DHFR2: variants seen among roughly 807,000 people sequenced by gnomAD.
The protein encoded by DHFR2 is dihydrofolate reductase 2.
Under a neutral mutation model 12.0 loss-of-function variants are expected in DHFR2, and 11 were observed. The ratio of observed to expected loss-of-function variants is 0.92; its 90% CI spans 0.58 to 1.52. The LOEUF is 1.52. DHFR2 is among the 40% of genes most tolerant of loss of function. The pLI is 0.00. For missense variants in DHFR2, 188 were observed against 221.2 expected (o/e 0.85, Z 0.95); for synonymous variants, 87 against 79.6 (o/e 1.09, Z -0.49).
At chr3:94,062,152 G>T (rs1447658681) in intron 1 of DHFR2, among the ~76,000 whole-genome samples, 1 of 152,122 alleles carries the variant, frequency 6.6e-6, no homozygotes, top group African/African-American at 2.4e-5. Flanking sequence ...TGTCAAAATA[G>T]GTGTAATAAA....
chr3:94,061,732 T>C, intron 1 of DHFR2, 126 bp from the exon 2 acceptor site: 1 of 643,694 alleles, frequency 1.6e-6, no homozygotes, highest in Non-Finnish European at 2.0e-6. Context: ...AAATATAAAT[T>C]TATAAAATTA....
chr3:94,063,237 C>T (rs1172934636), upstream of DHFR2: 2 of 1,163,840 alleles, frequency 1.7e-6, no homozygotes, highest in East Asian at 2.3e-5. Context: ...GGAACATCAC[C>T]TTTGTTCGTC....
At chr3:94,062,716 C>G in intron 1 of DHFR2, 30 bp downstream of exon 1, 1 of 251,022 alleles carries the variant, frequency 4.0e-6, no homozygotes, top group South Asian at 5.6e-5. Context: ...TCACTGCAAC[C>G]TCAAACTTCT....
In DHFR2 at chr3:94,061,450, C is replaced by T. The variant is rs768616101; in HGVS notation, c.62G>A (p.Gly21Glu). The change falls in exon 2 of 2, where the codon GGG becomes GAG. Residue 21 changes from glycine to glutamate, a missense_variant. Coordinates refer to ENST00000314636, the MANE Select transcript of DHFR2 (RefSeq NM_176815.5). The part of the protein sequence containing the change: ...VSQNMGIGKN[G>E]DLPRPPLRNE... ...CCTGAGCGGCGGCCTGGGCAGGTCCCCGTTCTTGCCGATGCCCATGTTTTG... is the reference window on the plus strand; with the variant it reads ...CCTGAGCGGCGGCCTGGGCAGGTCCTCGTTCTTGCCGATGCCCATGTTTTG... 45 of 1,614,174 alleles carry T rather than the reference C, an allele frequency of 2.8e-5. No individual in the cohort carries two copies. The highest frequency in any genetic ancestry group is 3.8e-5 in the Non-Finnish European group (45 of 1,180,038).
At chr3:94,063,320 TC>T (rs2077189513), upstream of DHFR2, 1 of 644,916 alleles carries the variant, frequency 1.6e-6, no homozygotes, top group East Asian at 2.6e-5. Context: ...TAATGCTGAG[TC>T]CCTTCCGTCC....
chr3:94,059,387 T>G lies in DHFR2; in HGVS notation c.*1561A>C, dbSNP rs2077160681. ...TGCCACAATGCCCAGCCAATTTTTG[T>G]ATCTTCTGTAGAGACAGGGCTCCAC... On this transcript the variant is annotated 3_prime_UTR_variant, in exon 2 of 2. Transcript: ENST00000314636. The G allele has an allele frequency of 6.6e-6, 1 of 152,170 alleles. No homozygotes were observed. The highest frequency in any genetic ancestry group is 2.4e-5 in the African/African-American group (1 of 41,416). The allele number at this position is 152,170 out of a possible 1,614,324, so 9.4% of individuals were successfully genotyped here.
chr3:94,063,067 C>T (rs2077186763), upstream of DHFR2: 1 of 1,606,764 alleles, frequency 6.2e-7, no homozygotes, highest in South Asian at 1.1e-5. Context: ...TTTCAGTTCC[C>T]TGGAGGCTTT....
chr3:94,063,098 C>G (rs1344439136), upstream of DHFR2: 10 of 1,613,922 alleles, frequency 6.2e-6, no homozygotes, highest in South Asian at 1.1e-4. Context: ...TTCGCGTACA[C>G]CTGTTGTTTG....
chr3:94,062,726 T>C lies in DHFR2; in HGVS notation c.-96+20A>G, dbSNP rs2077182666. On this transcript the variant is annotated intron_variant, in intron 1 of 1. Transcript: ENST00000314636. ...ACGGGTCACTGCAACCTCAAACTTC[T>C]GCCCAAGCGATCCTCCCACCTCAGC... 3.9e-6 allele frequency: 1 copy of C among 258,074 alleles called. No homozygotes were observed. The highest frequency in any genetic ancestry group is 4.8e-5 in the Admixed American group (1 of 20,818). The allele number at this position is 258,074 out of a possible 1,614,324, so 16.0% of individuals were successfully genotyped here. A position where few individuals can be genotyped will look rare whatever the true frequency, so the allele number is the denominator to read the frequency against.
rs2077185298 is a variant in DHFR2, at chr3:94,062,892, C to A, written c.-242G>T. ...ACCTCCGCGTCCTGGGAAGTATCAG[C>A]CTTTACCAGCTACCGGAAGTAACTG... On this transcript the variant is annotated 5_prime_UTR_variant, in exon 1 of 2. Transcript: ENST00000314636. The A allele has an allele frequency of 1.8e-6, 1 of 555,382 alleles. No homozygotes were observed. The highest frequency in any genetic ancestry group is 3.0e-5 in the Admixed American group (1 of 33,262). The allele number at this position is 555,382 out of a possible 1,614,324, so 34.4% of individuals were successfully genotyped here. A position where few individuals can be genotyped will look rare whatever the true frequency, so the allele number is the denominator to read the frequency against.
chr3:94,062,777 G>C lies in DHFR2; in HGVS notation c.-127C>G. On this transcript the variant is annotated 5_prime_UTR_variant, in exon 1 of 2. Coordinates refer to ENST00000314636, the MANE Select transcript of DHFR2 (RefSeq NM_176815.5). ...ATCCGCAGAAGCAGGGGCCGCACAG[G>C]CGCGCAGATGTGTGACTTTCTAAGG... 1 of 295,922 alleles carries C rather than the reference G, an allele frequency of 3.4e-6. No homozygotes were observed. The highest frequency in any genetic ancestry group is 6.5e-6 in the Non-Finnish European group (1 of 153,820). The allele number at this position is 295,922 out of a possible 1,614,324, so 18.3% of individuals were successfully genotyped here.
Position 94,061,000 on chromosome 3 carries a change from T to A in DHFR2, c.512A>T (p.Gln171Leu). ...PEYPGVLSDV[Q>L]EGKHIKYKFE... Reference sequence around the variant, plus strand: ...TTTGTACTTGATGTGTTTCCCCTCCTGGACATCAGAGAGAACACCTGGGTA... The same window carrying A: ...TTTGTACTTGATGTGTTTCCCCTCCAGGACATCAGAGAGAACACCTGGGTA... Residue 171 changes from glutamine (Q) to leucine (L), a missense_variant, in exon 2 of 2, where the codon CAG becomes CTG. Physicochemically the swap from Gln to Leu is moderately radical, Grantham distance 113. Transcript: ENST00000314636. 6.2e-7 allele frequency: 1 copy of A among 1,613,982 alleles called. No individual in the cohort carries two copies. The highest frequency in any genetic ancestry group is 1.1e-5 in the South Asian group (1 of 91,078).
chr3:94,057,934 G>C lies in DHFR2; in HGVS notation c.*3014C>G, dbSNP rs1052679798. The stretch of plus-strand genomic sequence containing the variant: ...GATTCAGACAAAATTCATAAGCAAA[G>C]TTGTTTATTTAAAATCAGAAAATAT... On this transcript the variant is annotated 3_prime_UTR_variant, in exon 2 of 2. Coordinates refer to ENST00000314636, the MANE Select transcript of DHFR2 (RefSeq NM_176815.5). 4 of 152,076 alleles carry C rather than the reference G, an allele frequency of 2.6e-5. No individual in the cohort carries two copies. The highest frequency in any genetic ancestry group is 9.7e-5 in the African/African-American group (4 of 41,432). 9.4% of individuals were successfully genotyped at this position (152,076 alleles called of 1,614,324 possible). A position where few individuals can be genotyped will look rare whatever the true frequency, so the allele number is the denominator to read the frequency against.
At position 94,061,260 on chromosome 3, in the gene DHFR2, T is replaced by G. The variant is rs148600595; in HGVS notation, c.252A>C (p.Pro84=). 2 of 1,613,620 alleles carry G rather than the reference T, an allele frequency of 1.2e-6. No individual in the cohort carries two copies. The highest frequency in any genetic ancestry group is 1.3e-5 in the African/African-American group (1 of 74,924). ...LVLSRELKEP[P]QGAHFLARSL... ...TTCTGGCAAGAAAATGAGCTCCTTG[T>G]GGAGGTTCCTTGAGTTCTCTGCTGA... The change falls in exon 2 of 2, where the codon CCA becomes CCC. Residue 84 remains proline, a synonymous_variant. Transcript: ENST00000314636.
At chr3:94,062,378 C>A (rs2077180641) in intron 1 of DHFR2, among the ~76,000 whole-genome samples, 1 of 152,218 alleles carries the variant, frequency 6.6e-6, no homozygotes, top group Non-Finnish European at 1.5e-5. Flanking sequence ...GTTTAACACT[C>A]TCCATTAAAA....
At chr3:94,061,678 A>ATTT in intron 1 of DHFR2, 72 bp from the exon 2 acceptor site, 1 of 809,804 alleles carries the variant, frequency 1.2e-6, no homozygotes, top group Middle Eastern at 5.3e-4. Context: ...AAAATAAATT[A>ATTT]TATAAAATAT....
Position 94,060,947 on chromosome 3 carries a change from A to G in DHFR2, c.*1T>C. On this transcript the variant is annotated 3_prime_UTR_variant, in exon 2 of 2. Coordinates refer to ENST00000314636, the MANE Select transcript of DHFR2 (RefSeq NM_176815.5). ...AACTTAAACCAGAAAACACCTTCAT[A>G]TTAATCATCCTTCTCACATACTTCA... 1 of 1,612,554 alleles carries G rather than the reference A, an allele frequency of 6.2e-7. No individual in the cohort carries two copies. The highest frequency in any genetic ancestry group is 8.5e-7 in the Non-Finnish European group (1 of 1,179,106).
At position 94,059,908 on chromosome 3, in the gene DHFR2, T is replaced by C. The variant is rs1211435244; in HGVS notation, c.*1040A>G. The C allele has an allele frequency of 6.6e-6, 1 of 151,912 alleles. No homozygotes were observed. Among genetic ancestry groups the C allele is most frequent in the Non-Finnish European group, 1.5e-5 (1 of 68,010 alleles). 9.4% of individuals were successfully genotyped at this position (151,912 alleles called of 1,614,324 possible). ...AATGTCCCCACCAAAAATACAAAAT[T>C]AGCCTGGCGTGGTGGCACGCGCCTG... is the stretch of plus-strand genomic sequence containing the variant. On this transcript the variant is annotated 3_prime_UTR_variant, in exon 2 of 2. Transcript: ENST00000314636.
intron 1 of DHFR2, among the ~76,000 whole-genome samples, chr3:94,062,048 A>C (rs2077178571): frequency 6.6e-6 from 1 of 152,166 alleles, no homozygotes; most frequent in Admixed American, 6.5e-5. Context: ...ACTATCAGGG[A>C]CCATATCAAA....
Sources: gnomAD v4.1 joint callset for allele counts (sites outside exome capture counted in the v4.1 genomes callset) on GRCh38, gnomAD v4.1.1 for gene constraint, MANE v1.5 for transcripts, NCBI Gene and HGNC (gene_info 2026-07-23, HGNC 2026-07-21) for gene names.